The following SNAP47 variants were observed in gnomAD, a reference collection of about 807,000 sequenced individuals.
SNAP47 encodes the protein synaptosome associated protein 47.
A neutral mutation model predicts 31.4 loss-of-function variants in SNAP47; 20 were observed. The observed-to-expected ratio is 0.64, with a 90% CI of 0.45 to 0.93. SNAP47 has a LOEUF of 0.93. Ranked by LOEUF, SNAP47 falls within the 40% of genes least tolerant of loss-of-function variation. SNAP47 has a pLI of 0.00. For synonymous variants in SNAP47, 194 were observed against 213.4 expected (o/e 0.91, Z 0.79); for missense variants, 492 against 528.5 (o/e 0.93, Z 0.68).
chr1:227,753,223 A>G (rs1662489856), intron 2 of SNAP47, among the ~76,000 whole-genome samples: 1 of 152,174 alleles, frequency 6.6e-6, no homozygotes, highest in Non-Finnish European at 1.5e-5. Flanking sequence ...TGCCGGTGTC[A>G]CTTTGAGATA....
At position 227,736,988 on chromosome 1, in the gene SNAP47, C is replaced by T. The variant is rs573512230; in HGVS notation, c.-46+1489C>T. Among the ~76,000 whole-genome samples the T allele has an allele frequency of 2.0e-5, 3 of 152,290 alleles. No individual in the cohort carries two copies. The East Asian group carries it at 5.8e-4, about 29-fold the overall frequency. ...CAGGAATTTGGCTCAGGGCCAAGGCCGTTTTCTTTGTAGTAAACCTAGATA... is the reference window on the plus strand; with the variant it reads ...CAGGAATTTGGCTCAGGGCCAAGGCTGTTTTCTTTGTAGTAAACCTAGATA... On this transcript the variant is annotated intron_variant, in intron 1 of 4. Transcript: ENST00000617596.
chr1:227,729,825 A>G (rs1419745646), intron 1 of SNAP47, among the ~76,000 whole-genome samples: 1 of 152,092 alleles, frequency 6.6e-6, no homozygotes, highest in Non-Finnish European at 1.5e-5. Context: ...GTGCTGGAGG[A>G]GCCCCTAGGC....
upstream of SNAP47, chr1:227,735,295 G>A (rs1661025809): frequency 3.7e-6 from 6 of 1,605,302 alleles, no homozygotes; most frequent in African/African-American, 1.3e-5. Flanking sequence ...CGGGTCGAAG[G>A]ACCCTCCTCC....
chr1:227,733,401 AG>A, upstream of SNAP47: 1 of 1,567,292 alleles, frequency 6.4e-7, no homozygotes, highest in Non-Finnish European at 8.6e-7. Flanking sequence ...GGGCAGGAGA[AG>A]CAGCACATTA....
intron 4 of SNAP47, among the ~76,000 whole-genome samples, chr1:227,772,506 G>A (rs768899459): frequency 3.9e-5 from 6 of 152,082 alleles, no homozygotes; most frequent in Non-Finnish European, 5.9e-5. Flanking sequence ...GTGGATGTAC[G>A]AGCTGTTTCC....
At chr1:227,768,004 C>G (rs532400382) in intron 4 of SNAP47, among the ~76,000 whole-genome samples, 1 of 152,368 alleles carries the variant, frequency 6.6e-6, no homozygotes, top group South Asian at 2.1e-4. Flanking sequence ...ATTTTTGAAG[C>G]TGTACTCAGT....
At position 227,763,669 on chromosome 1, in the gene SNAP47, G is replaced by A. The variant is rs568145403; in HGVS notation, c.989-3290G>A. 4.5e-4 allele frequency among the ~76,000 whole-genome samples: 69 copies of A among 152,324 alleles called. No homozygotes were observed. Among genetic ancestry groups the A allele is most frequent in the African/African-American group, 1.6e-3 (67 of 41,564 alleles). ...AGGATGCCGCTCAGCCCCCACCTGC[G>A]CGTGCGTATTGGTTGAGTGGGAGAT... On this transcript the variant is annotated intron_variant, in intron 3 of 4. Transcript: ENST00000617596. The surrounding 1 kb of genome is among the most constrained non-coding windows in gnomAD (Gnocchi z 4.2).
chr1:227,747,559 G>C (rs1662046543), intron 1 of SNAP47, 133 bp from the exon 2 acceptor site: 2 of 864,362 alleles, frequency 2.3e-6, no homozygotes, highest in African/African-American at 3.4e-5. Flanking sequence ...TGCAGCCACA[G>C]GTGGATCGAG....
At chr1:227,774,071 C>T (rs1572053220) in intron 4 of SNAP47, among the ~76,000 whole-genome samples, 1 of 152,192 alleles carries the variant, frequency 6.6e-6, no homozygotes, top group Non-Finnish European at 1.5e-5. Flanking sequence ...TCTCTCTAGG[C>T]TTGTTGAGGG....
At chr1:227,767,619 C>G (rs1199239725) in intron 4 of SNAP47, among the ~76,000 whole-genome samples, 1 of 151,862 alleles carries the variant, frequency 6.6e-6, no homozygotes, top group East Asian at 1.9e-4. Flanking sequence ...GTTGCATGTA[C>G]TATGCATGTA....
upstream of SNAP47, chr1:227,731,595 C>G (rs1272962298): frequency 6.6e-6 from 1 of 152,520 alleles, no homozygotes; most frequent in South Asian, 2.1e-4. Context: ...GCCTCCGCTG[C>G]TCACTGCTGT....
upstream of SNAP47, chr1:227,733,832 C>T: frequency 6.3e-7 from 1 of 1,597,932 alleles, no homozygotes; most frequent in South Asian, 1.1e-5. Flanking sequence ...CAGCCCCCCT[C>T]CTGCCACCCT....
chr1:227,761,955 T>G (rs961578670), intron 3 of SNAP47, among the ~76,000 whole-genome samples: 4 of 152,202 alleles, frequency 2.6e-5, no homozygotes, highest in African/African-American at 9.6e-5. Context: ...GGCCTCAACG[T>G]GCATTCAGGA....
chr1:227,732,049 T>G, upstream of SNAP47: 4 of 385,054 alleles, frequency 1.0e-5, no homozygotes, highest in Non-Finnish European at 9.7e-6. Context: ...GGCTGGCCTA[T>G]TAAGAGGAGC....
intron 3 of SNAP47, among the ~76,000 whole-genome samples, chr1:227,766,084 G>C (rs1663378821): frequency 6.6e-6 from 1 of 152,148 alleles, no homozygotes; most frequent in Admixed American, 6.5e-5. Flanking sequence ...ACTGCTCCCG[G>C]GCTGCATCCA....
chr1:227,737,764 A>G (rs1661319152), intron 1 of SNAP47, among the ~76,000 whole-genome samples: 1 of 152,112 alleles, frequency 6.6e-6, no homozygotes, highest in Admixed American at 6.5e-5. Context: ...GTCTGAGTCC[A>G]GGTAAAGGTG....
intron 3 of SNAP47, among the ~76,000 whole-genome samples, chr1:227,764,142 A>G (rs1480457542): frequency 2.6e-5 from 4 of 152,148 alleles, no homozygotes; most frequent in African/African-American, 7.2e-5. Flanking sequence ...GCTTTTGTTT[A>G]ATTGCAGTCA....
chr1:227,749,417 A>G (rs1222855115), intron 2 of SNAP47, among the ~76,000 whole-genome samples: 1 of 152,160 alleles, frequency 6.6e-6, no homozygotes, highest in Non-Finnish European at 1.5e-5. Flanking sequence ...GGGTGGGTCC[A>G]TCTGGGAGCC....
upstream of SNAP47, chr1:227,731,580 C>T (rs1357548796): frequency 6.6e-5 from 10 of 152,432 alleles, no homozygotes; most frequent in Admixed American, 6.5e-4. Context: ...CATTCCCCAC[C>T]ACAGGCCTCC....
Sources: allele counts gnomAD v4.1 joint callset (sites outside exome capture counted in the v4.1 genomes callset), GRCh38; gene constraint gnomAD v4.1.1; non-coding constraint Gnocchi (gnomAD v3.1); transcripts MANE v1.5; gene names NCBI Gene and HGNC (gene_info 2026-07-23, HGNC 2026-07-21).